MS4A4A: variants seen among roughly 807,000 people sequenced by gnomAD.
The protein encoded by MS4A4A is membrane spanning 4-domains A4A.
Under a neutral mutation model 28.0 loss-of-function variants are expected in MS4A4A, and 26 were observed. That is an observed-to-expected ratio of 0.93 (90% CI 0.68 to 1.29). The LOEUF (loss-of-function observed/expected upper bound fraction) is 1.29, where lower values mean the gene tolerates loss of function less well. Ranked by LOEUF, MS4A4A falls within the 50% of genes most tolerant of loss-of-function variation. The pLI, the probability that MS4A4A is intolerant of heterozygous loss-of-function variation, is 0.00. For missense variants in MS4A4A, 290 were observed against 293.1 expected (o/e 0.99, Z 0.08); for synonymous variants, 86 against 100.8 (o/e 0.85, Z 0.88).
chr11:60,292,372 C>T lies in MS4A4A; in HGVS notation c.189C>T (p.Pro63=), dbSNP rs2084865344. Residue 63 remains proline (P), a synonymous_variant, in exon 2 of 7, where the codon CCC becomes CCT. Transcript: ENST00000337908. ...AAGAGAAGTTCTTGAAGGGAGAACC[C>T]AAAGTCCTTGGGGTAAGTTGCAAAT... is the stretch of plus-strand genomic sequence containing the variant. ...GLQEKFLKGE[P]KVLGVVQILT... is the part of the protein sequence containing the mutation. The T allele has an allele frequency of 2.5e-6, 4 of 1,594,796 alleles. No individual in the cohort carries two copies. The highest frequency in any genetic ancestry group is 3.4e-6 in the Non-Finnish European group (4 of 1,172,680).
At chr11:60,287,704 G>C (rs1338069313) in intron 1 of MS4A4A, among the ~76,000 whole-genome samples, 1 of 152,146 alleles carries the variant, frequency 6.6e-6, no homozygotes, top group Non-Finnish European at 1.5e-5. Flanking sequence ...TGAGACTCAA[G>C]GTATGATTTA....
At position 60,280,673 on chromosome 11, in the gene MS4A4A, T is replaced by C. The variant is rs1277036283; in HGVS notation, c.-3T>C. 2.5e-6 allele frequency: 4 copies of C among 1,613,586 alleles called. No individual in the cohort carries two copies. The highest frequency in any genetic ancestry group is 3.4e-6 in the Non-Finnish European group (4 of 1,179,742). On this transcript the variant is annotated 5_prime_UTR_variant, in exon 1 of 7. Transcript: ENST00000337908. ...ACTTTGAGGAACTTGCCCAGAGCCC[T>C]GCATGCATCAGACCTACAGCAGACA...
chr11:60,301,458 T>G (rs543936767), intron 4 of MS4A4A, among the ~76,000 whole-genome samples: 1 of 152,320 alleles, frequency 6.6e-6, no homozygotes, highest in South Asian at 2.1e-4. Flanking sequence ...ATTTTGAGTT[T>G]TCAATAAAAG....
Position 60,291,642 on chromosome 11 carries a change from A to G in MS4A4A, c.42-583A>G, listed in dbSNP as rs11824065. Among the ~76,000 whole-genome samples the G allele has an allele frequency of 8.0e-3, 1,215 of 152,074 alleles. 15 individuals carry two copies. The highest frequency in any genetic ancestry group is 0.027 in the African/African-American group (1,128 of 41,450). ...GTGAAACTCTGTCTCTACTAAAAAT[A>G]CAAAAATTGGCTCAGCATGGTGGCA... On this transcript the variant is annotated intron_variant, in intron 1 of 6. Coordinates refer to ENST00000337908, the MANE Select transcript of MS4A4A (RefSeq NM_148975.3).
At position 60,292,290 on chromosome 11, in the gene MS4A4A, G is replaced by C. The variant is rs745677868; in HGVS notation, c.107G>C (p.Gly36Ala). ...MEQAMPGAGP[G>A]VPQLGNMAVI... The stretch of plus-strand genomic sequence containing the variant: ...CAGGCCATGCCAGGGGCTGGCCCTG[G>C]TGTGCCCCAGCTGGGAAACATGGCT... The change falls in exon 2 of 7, where the codon GGT becomes GCT. Residue 36 changes from glycine (G) to alanine (A), a missense_variant. Gly to Ala is a moderately conservative substitution (Grantham distance 60). Transcript: ENST00000337908. The C allele has an allele frequency of 1.9e-6, 3 of 1,607,888 alleles. No individual in the cohort carries two copies.
intron 1 of MS4A4A, among the ~76,000 whole-genome samples, chr11:60,289,092 G>T (rs772343200): frequency 3.3e-5 from 5 of 152,110 alleles, no homozygotes; most frequent in Non-Finnish European, 7.4e-5. Flanking sequence ...TGGTGGTTAA[G>T]CCTCAGAGAT....
At chr11:60,302,331 A>G (rs767192245) in intron 4 of MS4A4A, among the ~76,000 whole-genome samples, 35 of 152,208 alleles carry the variant, frequency 2.3e-4, no homozygotes, top group Non-Finnish European at 4.9e-4. Context: ...AGATTATATT[A>G]TGTGCCCACG....
At chr11:60,281,372 A>G (rs1281169309) in intron 1 of MS4A4A, among the ~76,000 whole-genome samples, 1 of 152,184 alleles carries the variant, frequency 6.6e-6, no homozygotes, top group African/African-American at 2.4e-5. Flanking sequence ...GGCCATTGTA[A>G]TCTTTCCCCA....
chr11:60,296,111 GCTTT>G (rs2084903474), intron 2 of MS4A4A, among the ~76,000 whole-genome samples: 1 of 151,884 alleles, frequency 6.6e-6, no homozygotes, highest in Non-Finnish European at 1.5e-5. Flanking sequence ...TAGGTCTGAT[GCTTT>G]CTGTTTTGGA....
In MS4A4A at chr11:60,292,283, G is replaced by A; in HGVS notation, c.100G>A (p.Gly34Ser). 1 of 1,606,672 alleles carries A rather than the reference G, an allele frequency of 6.2e-7. No individual in the cohort carries two copies. The highest frequency in any genetic ancestry group is 1.1e-5 in the South Asian group (1 of 90,000). ...AATGGAACAGGCCATGCCAGGGGCT[G>A]GCCCTGGTGTGCCCCAGCTGGGAAA... is the stretch of plus-strand genomic sequence containing the variant. ...QGMEQAMPGA[G>S]PGVPQLGNMA... The change falls in exon 2 of 7, where the codon GGC becomes AGC. Residue 34 changes from glycine to serine, a missense_variant. Gly to Ser is a moderately conservative substitution (Grantham distance 56, BLOSUM62 0). Coordinates refer to ENST00000337908, the MANE Select transcript of MS4A4A (RefSeq NM_148975.3).
In MS4A4A at chr11:60,297,239, A is replaced by G. The variant is rs1350769070; in HGVS notation, c.244A>G (p.Ile82Val). 5.0e-6 allele frequency: 8 copies of G among 1,613,526 alleles called. No homozygotes were observed. The highest frequency in any genetic ancestry group is 6.8e-6 in the Non-Finnish European group (8 of 1,179,636). Residue 82 changes from isoleucine to valine, a missense_variant, in exon 3 of 7, where the codon ATA becomes GTA. Ile to Val is a conservative substitution (Grantham distance 29). Coordinates refer to ENST00000337908, the MANE Select transcript of MS4A4A (RefSeq NM_148975.3). The part of the protein sequence containing the change: ...LTALMSLSMG[I>V]TMMCMASNTY... ...TGCCCTGATGAGCCTTAGCATGGGA[A>G]TAACAATGATGTGTATGGCATCTAA...
intron 4 of MS4A4A, among the ~76,000 whole-genome samples, chr11:60,301,581 T>C (rs2084953136): frequency 6.6e-6 from 1 of 152,200 alleles, no homozygotes. Context: ...ATAAATGTTT[T>C]TTTCTAGTTA....
chr11:60,299,639 A>AT (rs1341601132), intron 3 of MS4A4A, among the ~76,000 whole-genome samples: 1 of 151,540 alleles, frequency 6.6e-6, no homozygotes, highest in Non-Finnish European at 1.5e-5. Flanking sequence ...CACCCGGCTA[A>AT]TTTTTTTGTA....
Position 60,302,483 on chromosome 11 carries a change from G to A in MS4A4A, c.388-76G>A, listed in dbSNP as rs867702201. 4.4e-6 allele frequency: 6 copies of A among 1,378,462 alleles called. No homozygotes were observed. The African/African-American group carries it at 7.2e-5, about 17-fold the overall frequency. 85.4% of individuals were successfully genotyped at this position (1,378,462 alleles called of 1,614,324 possible). A position where few individuals can be genotyped will look rare whatever the true frequency, so the allele number is the denominator to read the frequency against. ...GATAGATGGCAGTAAGAAAGAGATG[G>A]TGGGTGTAAAGTGATTCATGGAGAT... On this transcript the variant is annotated intron_variant, in intron 4 of 6. Coordinates refer to ENST00000337908, the MANE Select transcript of MS4A4A (RefSeq NM_148975.3).
chr11:60,292,490 C>T, intron 2 of MS4A4A, 106 bp downstream of exon 2: 1 of 1,149,150 alleles, frequency 8.7e-7, no homozygotes, highest in Non-Finnish European at 1.2e-6. Context: ...AACAGCCAAC[C>T]CTCACGACGT....
At position 60,302,553 on chromosome 11, in the gene MS4A4A, T is replaced by G; in HGVS notation, c.388-6T>G. ...GATTGTTTAATTGATTTTCATTCCT[T>G]TCTAGGTCCGAGGTAGTCTAGGAAT... On this transcript the variant is annotated splice_polypyrimidine_tract_variant and splice_region_variant and intron_variant, in intron 4 of 6. Coordinates refer to ENST00000337908, the MANE Select transcript of MS4A4A (RefSeq NM_148975.3). 6.2e-7 allele frequency: 1 copy of G among 1,613,266 alleles called. No individual in the cohort carries two copies. The highest frequency in any genetic ancestry group is 8.5e-7 in the Non-Finnish European group (1 of 1,179,696).
rs2085028526 is a variant in MS4A4A at position 60,308,602 on chromosome 11, TA to T, written c.*426del. The T allele has an allele frequency of 6.4e-6, 1 of 155,502 alleles. No individual in the cohort carries two copies. Among genetic ancestry groups the T allele is most frequent in the African/African-American group, 2.4e-5 (1 of 41,572 alleles). The allele number at this position is 155,502 out of a possible 1,614,324, so 9.6% of individuals were successfully genotyped here. On this transcript the variant is annotated 3_prime_UTR_variant, in exon 7 of 7. Coordinates refer to ENST00000337908, the MANE Select transcript of MS4A4A (RefSeq NM_148975.3). Reference sequence around the variant, plus strand: ...AACACATACTTCCCTCCCATTTATTTAACTTTTTTTTTCTCCTACCTATGGG... The same window carrying T: ...AACACATACTTCCCTCCCATTTATTTACTTTTTTTTTCTCCTACCTATGGG...
intron 2 of MS4A4A, among the ~76,000 whole-genome samples, chr11:60,293,291 C>T (rs1241481941): frequency 6.6e-6 from 1 of 152,180 alleles, no homozygotes; most frequent in African/African-American, 2.4e-5. Context: ...CTCCTGACCT[C>T]GTGATCTGCC....
intron 1 of MS4A4A, among the ~76,000 whole-genome samples, chr11:60,284,681 A>G (rs2084788673): frequency 6.6e-6 from 1 of 152,194 alleles, no homozygotes; most frequent in South Asian, 2.1e-4. Context: ...CTCTGTTCTA[A>G]TGATAATGGA....
Sources: allele counts gnomAD v4.1 joint callset (sites outside exome capture counted in the v4.1 genomes callset), GRCh38; gene constraint gnomAD v4.1.1; transcripts MANE v1.5; gene names NCBI Gene and HGNC (gene_info 2026-07-23, HGNC 2026-07-21).